The following FHIT variants were observed in gnomAD, a reference collection of about 807,000 sequenced individuals.
FHIT encodes the protein bis(5'-adenosyl)-triphosphatase.
Under a neutral mutation model 17.9 loss-of-function variants are expected in FHIT, and 19 were observed. That is an observed-to-expected ratio of 1.06 (90% CI 0.74 to 1.56). The LOEUF is 1.56. FHIT is among the 40% of genes most tolerant of loss of function. FHIT has a pLI of 0.00. For missense variants in FHIT, 248 were observed against 189.2 expected (o/e 1.31, Z -1.82); for synonymous variants, 81 against 69.7 (o/e 1.16, Z -0.81).
intron 4 of FHIT, among the ~76,000 whole-genome samples, chr3:60,575,023 G>C (rs1553657066): frequency 1.3e-5 from 2 of 152,058 alleles, no homozygotes; most frequent in Non-Finnish European, 2.9e-5. Flanking sequence ...GAGATGATAG[G>C]CAAAAGTGGA....
chr3:61,091,248 C>A (rs2106812284), intron 2 of FHIT, among the ~76,000 whole-genome samples: 1 of 152,222 alleles, frequency 6.6e-6, no homozygotes, highest in East Asian at 1.9e-4. Flanking sequence ...TGAATGTATG[C>A]TTTTGGTACA....
chr3:59,872,621 GATAT>G (rs1702973666), intron 8 of FHIT, among the ~76,000 whole-genome samples: 1 of 152,138 alleles, frequency 6.6e-6, no homozygotes, highest in Non-Finnish European at 1.5e-5. Context: ...ATTTTGAATG[GATAT>G]ATAGTTTTTT....
intron 4 of FHIT, among the ~76,000 whole-genome samples, chr3:60,571,605 C>T (rs925908015): frequency 5.3e-5 from 8 of 152,090 alleles, no homozygotes; most frequent in South Asian, 2.1e-4. Context: ...GAACAAAAGT[C>T]GGGCATTTCT....
chr3:60,439,045 G>A (rs1203343664), intron 5 of FHIT, among the ~76,000 whole-genome samples: 1 of 152,150 alleles, frequency 6.6e-6, no homozygotes, highest in African/African-American at 2.4e-5. Context: ...ATTGGTGAGA[G>A]TGATTGGCTT....
chr3:60,387,693 T>G (rs113414657), intron 5 of FHIT, among the ~76,000 whole-genome samples: 336 of 152,280 alleles, frequency 2.2e-3, no homozygotes, highest in Non-Finnish European at 2.6e-3. Context: ...CACACCATTA[T>G]TGTCACCACA....
chr3:60,636,842 C>T (rs2039599784), intron 4 of FHIT, among the ~76,000 whole-genome samples: 1 of 152,198 alleles, frequency 6.6e-6, no homozygotes, highest in Admixed American at 6.5e-5. Context: ...CAGAAAGGGA[C>T]ATCCTGTGAC....
At chr3:61,227,387 T>A (rs1271346049) in intron 1 of FHIT, among the ~76,000 whole-genome samples, 1 of 152,224 alleles carries the variant, frequency 6.6e-6, no homozygotes, top group East Asian at 1.9e-4. Context: ...TTCTTGCTGA[T>A]CTAAATATTA....
chr3:61,204,282 G>C (rs1484860633), intron 1 of FHIT, among the ~76,000 whole-genome samples: 1 of 152,134 alleles, frequency 6.6e-6, no homozygotes, highest in Non-Finnish European at 1.5e-5. Flanking sequence ...GAATGGGGGG[G>C]CTTCTGGAAT....
intron 5 of FHIT, among the ~76,000 whole-genome samples, chr3:60,154,494 G>C (rs930330591): frequency 1.3e-5 from 2 of 152,108 alleles, no homozygotes; most frequent in Non-Finnish European, 2.9e-5. Flanking sequence ...ATCCCATCAA[G>C]GAATCATTTA....
intron 5 of FHIT, among the ~76,000 whole-genome samples, chr3:60,262,356 C>A (rs945438265): frequency 2.0e-5 from 3 of 151,886 alleles, no homozygotes; most frequent in Non-Finnish European, 2.9e-5. Flanking sequence ...TACAAATAGG[C>A]CCTGACAATG....
At chr3:60,210,308 T>C (rs1032449011) in intron 5 of FHIT, among the ~76,000 whole-genome samples, 16 of 152,030 alleles carry the variant, frequency 1.1e-4, no homozygotes, top group Admixed American at 9.2e-4. Context: ...AAATTCCAAA[T>C]GGATCAACTA....
intron 7 of FHIT, among the ~76,000 whole-genome samples, chr3:59,977,818 G>A (rs1216055054): frequency 1.3e-5 from 2 of 152,136 alleles, no homozygotes; most frequent in East Asian, 1.9e-4. Flanking sequence ...ACAAATTTCT[G>A]ATAGTTCTAG....
chr3:60,818,246 T>C (rs1701804678), intron 4 of FHIT, among the ~76,000 whole-genome samples: 1 of 152,178 alleles, frequency 6.6e-6, no homozygotes, highest in Non-Finnish European at 1.5e-5. Context: ...TCTCAGATAA[T>C]TGCTTTTTGT....
chr3:60,608,345 T>C lies in FHIT; in HGVS notation c.-17-71366A>G, dbSNP rs569227895. ...ATTCTCTAGCTGTTTCCTCAGGTGC[T>C]ATGGCTGTTCTGGACTGTTCTCCCC... On this transcript the variant is annotated intron_variant, in intron 4 of 9. Transcript: ENST00000492590. Among the ~76,000 whole-genome samples, 148 of 152,270 alleles carry C rather than the reference T, an allele frequency of 9.7e-4. 3 individuals carry two copies. The South Asian group carries it at 0.017, about 17-fold the overall frequency.
At chr3:60,173,732 C>G (rs993239137) in intron 5 of FHIT, among the ~76,000 whole-genome samples, 1 of 151,344 alleles carries the variant, frequency 6.6e-6, no homozygotes, top group African/African-American at 2.4e-5. Flanking sequence ...TCAGTGGACT[C>G]TGTGGGGTCA....
intron 2 of FHIT, among the ~76,000 whole-genome samples, chr3:61,102,819 A>G (rs1277079823): frequency 1.3e-5 from 2 of 152,132 alleles, no homozygotes; most frequent in East Asian, 1.9e-4. Context: ...CATTTCTTCT[A>G]GATTTTCTAG....
intron 5 of FHIT, chr3:60,077,272 T>C (rs996926968): frequency 4.6e-5 from 7 of 152,030 alleles, no homozygotes; most frequent in African/African-American, 1.7e-4. Context: ...ATATAGTATG[T>C]GTATAAGTAC....
At chr3:60,933,275 C>T (rs1310596977) in intron 3 of FHIT, among the ~76,000 whole-genome samples, 9 of 152,012 alleles carry the variant, frequency 5.9e-5, no homozygotes, top group African/African-American at 2.2e-4. Context: ...GTACAAGGCA[C>T]ATAAGTAATT....
chr3:61,047,854 T>A, intron 2 of FHIT, among the ~76,000 whole-genome samples: 1 of 61,722 alleles, frequency 1.6e-5, no homozygotes, highest in African/African-American at 3.5e-5. Context: ...TTGACAAACA[T>A]GAAAAAACAA....
Sources: allele counts gnomAD v4.1 joint callset (sites outside exome capture counted in the v4.1 genomes callset), GRCh38; gene constraint gnomAD v4.1.1; transcripts MANE v1.5; gene names NCBI Gene and HGNC (gene_info 2026-07-23, HGNC 2026-07-21).